PDZD2: variants seen among roughly 807,000 people sequenced by gnomAD.
PDZD2 encodes PDZ domain-containing protein 2.
Under a neutral mutation model 220.7 loss-of-function variants are expected in PDZD2, and 90 were observed. That is an observed-to-expected ratio of 0.41 (90% CI 0.34 to 0.49). The LOEUF (loss-of-function observed/expected upper bound fraction) is 0.49. Among genes scored for constraint, PDZD2 ranks in the 20% least tolerant of loss-of-function variants. The pLI is 0.28. For synonymous variants in PDZD2, 1,375 were observed against 1,450.5 expected (o/e 0.95, Z 1.18); for missense variants, 3,174 against 3,608.5 (o/e 0.88, Z 3.08).
At position 32,098,120 on chromosome 5, in the gene PDZD2, T is replaced by C. The variant is rs1477998306; in HGVS notation, c.7948-244T>C. ...TAACAATACAAAAATTAACTTGGCA[T>C]AGTGGTGTGTGCCTATAATCCCAGC... On this transcript the variant is annotated intron_variant, in intron 22 of 24. Coordinates refer to ENST00000438447, the MANE Select transcript of PDZD2 (RefSeq NM_178140.4). This position sits in a 1 kb window ranked among gnomAD's most constrained non-coding sequence, Gnocchi z 4.1. Among the ~76,000 whole-genome samples, 1 of 152,090 alleles carries C rather than the reference T, an allele frequency of 6.6e-6. No homozygotes were observed. Among genetic ancestry groups the C allele is most frequent in the East Asian group, 1.9e-4 (1 of 5,186 alleles).
rs761660252 is a variant in PDZD2 at position 32,087,238 on chromosome 5, A to T, written c.3790A>T (p.Asn1264Tyr). ...VDTGQVSRPE[N>Y]PSQPASPRVT... is the part of the protein sequence containing the mutation. ...CACAGGGCAAGTCAGTCGGCCAGAG[A>T]ATCCCAGCCAGCCTGCATCGCCCAG... The change falls in exon 20 of 25, where the codon AAT becomes TAT. Residue 1264 changes from asparagine to tyrosine, a missense_variant. Transcript: ENST00000438447. This position sits in a 1 kb window ranked among gnomAD's most constrained non-coding sequence, Gnocchi z 4.0. 6.2e-7 allele frequency: 1 copy of T among 1,614,112 alleles called. No homozygotes were observed. Among genetic ancestry groups the T allele is most frequent in the South Asian group, 1.1e-5 (1 of 91,080 alleles).
rs755562193 is a variant in PDZD2 at position 32,087,307 on chromosome 5, G to A, written c.3859G>A (p.Glu1287Lys). The A allele has an allele frequency of 2.2e-5, 35 of 1,614,164 alleles. 1 individual carries two copies. Among genetic ancestry groups the A allele is most frequent in the Middle Eastern group, 3.3e-4 (2 of 6,058 alleles). Residue 1287 changes from glutamate to lysine, a missense_variant, in exon 20 of 25, where the codon GAG becomes AAG. Glu to Lys is a moderately conservative substitution (Grantham distance 56). Around this residue, in one of 4 missense-constraint regions of PDZD2, gnomAD observed 1,861 missense variants for 2,001.0 expected, o/e 0.93. Transcript: ENST00000438447. The surrounding 1 kb of genome is among the most constrained non-coding windows in gnomAD (Gnocchi z 4.0). ...CAGGTCTCCAGTCAGGCTCCCCCAT[G>A]AGGGCAGCCCCTCCCCGGGGGAGAA... Reference protein sequence around the residue: ...KARSPVRLPHEGSPSPGEKAA... With the variant: ...KARSPVRLPHKGSPSPGEKAA...
At chr5:31,710,321 T>A (rs985181366) in intron 1 of PDZD2, among the ~76,000 whole-genome samples, 1 of 152,150 alleles carries the variant, frequency 6.6e-6, no homozygotes, top group Non-Finnish European at 1.5e-5. Context: ...GTGAATGATG[T>A]GGAGGTAAGT....
rs1207094085 is a variant in PDZD2 at position 31,862,171 on chromosome 5, T to A, written c.476+62447T>A. On this transcript the variant is annotated intron_variant, in intron 2 of 24. Coordinates refer to ENST00000438447, the MANE Select transcript of PDZD2 (RefSeq NM_178140.4). ...CCTAGGCTGGAGTGCAGTGGCACAATCTCAGCTCACCCCAACATCCACCCC... is the reference window on the plus strand; with the variant it reads ...CCTAGGCTGGAGTGCAGTGGCACAAACTCAGCTCACCCCAACATCCACCCC... 2.4e-5 allele frequency among the ~76,000 whole-genome samples: 3 copies of A among 124,986 alleles called. No individual in the cohort carries two copies. The Admixed American group carries it at 3.1e-4, about 13-fold the overall frequency. The allele number at this position is 124,986 out of a possible 152,430, so 82.0% of individuals were successfully genotyped here.
intron 2 of PDZD2, among the ~76,000 whole-genome samples, chr5:31,971,846 A>G (rs1465851027): frequency 6.6e-6 from 1 of 152,080 alleles, no homozygotes; most frequent in Non-Finnish European, 1.5e-5. Flanking sequence ...TACCTCTCCT[A>G]ACTTAACTCC....
At chr5:32,075,747 GATGACTTAT>G (rs1741226234) in intron 18 of PDZD2, among the ~76,000 whole-genome samples, 2 of 152,124 alleles carry the variant, frequency 1.3e-5, no homozygotes, top group Non-Finnish European at 2.9e-5. Context: ...AAGAATCTGA[GATGACTTAT>G]AAAGCCATAT....
intron 2 of PDZD2, among the ~76,000 whole-genome samples, chr5:31,978,950 T>C (rs1750034350): frequency 6.6e-6 from 1 of 152,122 alleles, no homozygotes; most frequent in African/African-American, 2.4e-5. Flanking sequence ...GATAAACTCC[T>C]CTTGGCTTTG....
At chr5:31,801,620 G>C (rs973448243) in intron 2 of PDZD2, among the ~76,000 whole-genome samples, 7 of 152,316 alleles carry the variant, frequency 4.6e-5, no homozygotes, top group Non-Finnish European at 8.8e-5. Flanking sequence ...TCCAGCTCCA[G>C]AACAGATAAC....
intron 2 of PDZD2, among the ~76,000 whole-genome samples, chr5:31,929,378 A>G (rs1301711091): frequency 6.6e-6 from 1 of 152,210 alleles, no homozygotes; most frequent in African/African-American, 2.4e-5. Flanking sequence ...TGTCTTGCAT[A>G]CCATCAAATG....
intron 1 of PDZD2, among the ~76,000 whole-genome samples, chr5:31,758,393 G>A (rs552786023): frequency 1.3e-5 from 2 of 152,210 alleles, no homozygotes; most frequent in African/African-American, 4.8e-5. Flanking sequence ...CATGAAGGGC[G>A]CCCCAGAGCT....
intron 2 of PDZD2, among the ~76,000 whole-genome samples, chr5:31,802,517 A>C (rs546964477): frequency 3.0e-4 from 46 of 152,264 alleles, no homozygotes; most frequent in African/African-American, 9.4e-4. Flanking sequence ...GGAGCTTAGG[A>C]AATAGGAATA....
chr5:32,095,565 C>T (rs1290764484), intron 21 of PDZD2, among the ~76,000 whole-genome samples: 2 of 152,092 alleles, frequency 1.3e-5, no homozygotes, highest in Non-Finnish European at 2.9e-5. Context: ...TTGATCTGGC[C>T]GCCCTGAGAC....
chr5:31,723,774 C>A lies in PDZD2; in HGVS notation c.-360-75115C>A, dbSNP rs370890671. Among the ~76,000 whole-genome samples the A allele has an allele frequency of 1.7e-3, 256 of 152,198 alleles. 2 individuals carry two copies. The highest frequency in any genetic ancestry group is 5.8e-3 in the African/African-American group (239 of 41,520). ...CTGGGATTACAGGCGCCCACCACCA[C>A]GCCTGGCTAATTTTTGTATTTTTAG... On this transcript the variant is annotated intron_variant, in intron 1 of 24. Coordinates refer to ENST00000438447, the MANE Select transcript of PDZD2 (RefSeq NM_178140.4).
chr5:31,785,841 G>C (rs942649173), intron 1 of PDZD2, among the ~76,000 whole-genome samples: 1 of 152,166 alleles, frequency 6.6e-6, no homozygotes, highest in Non-Finnish European at 1.5e-5. Context: ...CCCAAGGTTC[G>C]GTGGTTTTCG....
intron 19 of PDZD2, among the ~76,000 whole-genome samples, chr5:32,078,693 A>T (rs1014490373): frequency 6.7e-6 from 1 of 150,348 alleles, no homozygotes; most frequent in Admixed American, 6.7e-5. Flanking sequence ...ATGTGGCTAT[A>T]CTTTGGAGGC....
chr5:31,893,768 T>A (rs1439264097), intron 2 of PDZD2, among the ~76,000 whole-genome samples: 2 of 152,268 alleles, frequency 1.3e-5, no homozygotes, highest in Non-Finnish European at 2.9e-5. Context: ...TATGTATGTG[T>A]CTGTGTGCTA....
At chr5:31,893,448 AGTCCCAGCTACTCAGGAG>A (rs1561548137) in intron 2 of PDZD2, among the ~76,000 whole-genome samples, 1 of 152,176 alleles carries the variant, frequency 6.6e-6, no homozygotes, top group Non-Finnish European at 1.5e-5. Context: ...CCACACTTGT[AGTCCCAGCTACTCAGGAG>A]GGCTGAGGCA....
intron 2 of PDZD2, among the ~76,000 whole-genome samples, chr5:31,882,035 A>G (rs6895128): frequency 0.44 from 67,017 of 152,022 alleles, 15,223 homozygotes; most frequent in African/African-American, 0.53. Context: ...CCTTATATTT[A>G]ATAGTGCTTA....
intron 18 of PDZD2, 43 bp from the exon 19 acceptor site, chr5:32,077,418 GC>G (rs1467488761): frequency 3.1e-6 from 5 of 1,606,686 alleles, no homozygotes; most frequent in Admixed American, 3.3e-5. Flanking sequence ...GGTGCAGAAA[GC>G]CTGAAAGTTA....
Sources: allele counts gnomAD v4.1 joint callset (sites outside exome capture counted in the v4.1 genomes callset), GRCh38; gene constraint gnomAD v4.1.1; regional missense constraint gnomAD v4.1.1; non-coding constraint Gnocchi (gnomAD v3.1); transcripts MANE v1.5; gene names NCBI Gene and HGNC (gene_info 2026-07-23, HGNC 2026-07-21).